Variants in ACSF3 observed in about 807,000 individuals in gnomAD.
ACSF3 encodes malonate--CoA ligase ACSF3, mitochondrial.
Under a neutral mutation model 53.2 loss-of-function variants are expected in ACSF3, and 78 were observed. That is an observed-to-expected ratio of 1.47 (90% CI 1.22 to 1.77). ACSF3 has a LOEUF of 1.77. Ranked by LOEUF, ACSF3 falls within the 40% of genes most tolerant of loss-of-function variation. The probability of loss-of-function intolerance (pLI) is 0.00; values close to 1 mark genes in which losing one functional copy is unlikely to be tolerated. For synonymous variants in ACSF3, 414 were observed against 333.1 expected (o/e 1.24, Z -2.65); for missense variants, 937 against 771.1 (o/e 1.22, Z -2.55).
intron 6 of ACSF3, among the ~76,000 whole-genome samples, chr16:89,115,993 C>T (rs980113962): frequency 1.3e-5 from 2 of 152,278 alleles, no homozygotes; most frequent in South Asian, 2.1e-4. Flanking sequence ...GGTTTTGGCC[C>T]GGTTTATCAA....
intron 5 of ACSF3, chr16:89,114,133 A>C (rs1232077996): frequency 3.0e-6 from 2 of 664,072 alleles, no homozygotes; most frequent in African/African-American, 3.6e-5. Flanking sequence ...GTTTTCAAAA[A>C]ACAAAGTCAC....
intron 4 of ACSF3, among the ~76,000 whole-genome samples, chr16:89,106,809 G>A (rs1462843306): frequency 1.3e-5 from 2 of 152,210 alleles, no homozygotes; most frequent in South Asian, 2.1e-4. Flanking sequence ...GGTGCTGAAC[G>A]ATCTCAGACG....
chr16:89,139,644 G>T (rs1911357506), intron 8 of ACSF3, among the ~76,000 whole-genome samples: 1 of 145,238 alleles, frequency 6.9e-6, no homozygotes, highest in Admixed American at 6.9e-5. Context: ...CCAGACTGGA[G>T]TGCAGTGGCG....
At chr16:89,136,011 G>T (rs1910384611) in intron 8 of ACSF3, among the ~76,000 whole-genome samples, 1 of 152,252 alleles carries the variant, frequency 6.6e-6, no homozygotes, top group Non-Finnish European at 1.5e-5. Context: ...CTGGCCTCAG[G>T]TGATCCGCCC....
Position 89,132,383 on chromosome 16 carries a change from G to A in ACSF3, c.1240-753G>A, listed in dbSNP as rs527903271. Among the ~76,000 whole-genome samples, 6 of 152,304 alleles carry A rather than the reference G, an allele frequency of 3.9e-5. No individual in the cohort carries two copies. The South Asian group carries it at 6.2e-4, about 16-fold the overall frequency. ...TGACCTATGAGCCGAGGGCTCGGCC[G>A]GTGTCTTCACAGACCCACCGTGTCC... On this transcript the variant is annotated intron_variant, in intron 7 of 10. Coordinates refer to ENST00000614302, the MANE Select transcript of ACSF3 (RefSeq NM_001243279.3).
intron 7 of ACSF3, among the ~76,000 whole-genome samples, chr16:89,125,942 T>C (rs28663390): frequency 1.3e-3 from 78 of 62,308 alleles, no homozygotes; most frequent in African/African-American, 4.5e-3. Context: ...CGTAGATCCG[T>C]GAACACGGTA....
At chr16:89,125,684 G>A (rs1907866482) in intron 7 of ACSF3, among the ~76,000 whole-genome samples, 1 of 124,370 alleles carries the variant, frequency 8.0e-6, no homozygotes, top group Non-Finnish European at 1.7e-5. Flanking sequence ...GAGTGAGACT[G>A]CCTCAAAAAA....
intron 8 of ACSF3, among the ~76,000 whole-genome samples, chr16:89,135,732 A>G (rs1452494607): frequency 6.6e-6 from 1 of 152,216 alleles, no homozygotes; most frequent in African/African-American, 2.4e-5. Flanking sequence ...TGCCCTCTGA[A>G]TGCCCCGACC....
intron 4 of ACSF3, among the ~76,000 whole-genome samples, chr16:89,106,542 T>G (rs1217105252): frequency 6.6e-6 from 1 of 152,212 alleles, no homozygotes; most frequent in Non-Finnish European, 1.5e-5. Flanking sequence ...TCCACCTGCC[T>G]CAGCCTCCCA....
chr16:89,136,497 A>G lies in ACSF3; in HGVS notation c.1366+3235A>G, dbSNP rs75498506. ...CAGCTGCCGCTCCTGCCGGGAGAGC[A>G]TGATATTAAATAGAAATCAGGAGAA... is the stretch of plus-strand genomic sequence containing the variant. On this transcript the variant is annotated intron_variant, in intron 8 of 10. Transcript: ENST00000614302. 1,444 of 1,225,084 alleles carry G rather than the reference A, an allele frequency of 1.2e-3. 13 individuals carry two copies. In the African/African-American group the frequency reaches 0.021, roughly 17 times the overall value. The allele number at this position is 1,225,084 out of a possible 1,614,324, so 75.9% of individuals were successfully genotyped here.
At position 89,131,127 on chromosome 16, in the gene ACSF3, CTTTT is replaced by C. The variant is rs558773398; in HGVS notation, c.1240-1988_1240-1985del. On this transcript the variant is annotated intron_variant, in intron 7 of 10. Transcript: ENST00000614302. ...TTTCTTTCTTTTTCTTTTTCTTTTT[CTTTT>C]TTTTTTTTTTTTTTTTTTTTGAGAC... Among the ~76,000 whole-genome samples, 517 of 69,426 alleles carry C rather than the reference CTTTT, an allele frequency of 7.4e-3. 2 individuals are homozygous for C. Among genetic ancestry groups the C allele is most frequent in the African/African-American group, 0.027 (469 of 17,330 alleles). 45.5% of individuals were successfully genotyped at this position (69,426 alleles called of 152,430 possible).
chr16:89,118,553 G>A (rs1053842825), intron 6 of ACSF3, among the ~76,000 whole-genome samples: 1 of 80,898 alleles, frequency 1.2e-5, no homozygotes, highest in East Asian at 2.8e-4. Flanking sequence ...TGCACTGTCC[G>A]TGCTCGGAAG....
intron 2 of ACSF3, 91 bp downstream of exon 2, chr16:89,098,854 T>C (rs569349231): frequency 2.2e-6 from 1 of 447,406 alleles, no homozygotes; most frequent in South Asian, 1.6e-5. Flanking sequence ...TGAGGCAAAA[T>C]GCTGAGATGA....
At position 89,146,270 on chromosome 16, in the gene ACSF3, C is replaced by T. The variant is rs189273854; in HGVS notation, c.1613+221C>T. ...CAGATTTGACTTGGTGGCAATATTCCGAGGGGGCAGAAACTCACATTCCTG... is the reference window on the plus strand; with the variant it reads ...CAGATTTGACTTGGTGGCAATATTCTGAGGGGGCAGAAACTCACATTCCTG... On this transcript the variant is annotated intron_variant, in intron 10 of 10. Transcript: ENST00000614302. Among the ~76,000 whole-genome samples the T allele has an allele frequency of 9.2e-5, 14 of 152,236 alleles. No individual in the cohort carries two copies. The South Asian group carries it at 1.7e-3, about 18-fold the overall frequency.
chr16:89,146,946 G>A lies in ACSF3; in HGVS notation c.1613+897G>A, dbSNP rs73256074. Among the ~76,000 whole-genome samples the A allele has an allele frequency of 8.0e-3, 1,222 of 152,256 alleles. 20 individuals are homozygous for A. The highest frequency in any genetic ancestry group is 0.028 in the African/African-American group (1,169 of 41,544). ...GCAGAGCCAGGCTGAGCTCAGAAAGGAAGCTTTTAGTTTCACCTACAGTAA... is the reference window on the plus strand; with the variant it reads ...GCAGAGCCAGGCTGAGCTCAGAAAGAAAGCTTTTAGTTTCACCTACAGTAA... On this transcript the variant is annotated intron_variant, in intron 10 of 10. Coordinates refer to ENST00000614302, the MANE Select transcript of ACSF3 (RefSeq NM_001243279.3).
At position 89,154,742 on chromosome 16, in the gene ACSF3, C is replaced by A. The variant is rs1316525913; in HGVS notation, c.*535C>A. ...CAGAACCAGCCCTGTCCCATGGGTT[C>A]CGTGCATTTCCTGGTGCTGCTCTTG... On this transcript the variant is annotated 3_prime_UTR_variant, in exon 11 of 11. Coordinates refer to ENST00000614302, the MANE Select transcript of ACSF3 (RefSeq NM_001243279.3). 2.2e-6 allele frequency: 1 copy of A among 454,154 alleles called. No homozygotes were observed. The highest frequency in any genetic ancestry group is 6.9e-5 in the East Asian group (1 of 14,394). The allele number at this position is 454,154 out of a possible 1,614,324, so 28.1% of individuals were successfully genotyped here.
At chr16:89,106,217 G>A (rs906269512) in intron 4 of ACSF3, among the ~76,000 whole-genome samples, 10 of 152,272 alleles carry the variant, frequency 6.6e-5, no homozygotes, top group Admixed American at 3.3e-4. Context: ...GACCTTCAAC[G>A]GACACGGGAA....
intron 8 of ACSF3, among the ~76,000 whole-genome samples, chr16:89,133,557 C>T (rs868455915): frequency 2.0e-5 from 3 of 152,196 alleles, no homozygotes; most frequent in Non-Finnish European, 4.4e-5. Context: ...CCGGCACGCA[C>T]GCACCCTGAC....
At chr16:89,099,347 C>T (rs1053784777) in intron 2 of ACSF3, among the ~76,000 whole-genome samples, 1 of 152,240 alleles carries the variant, frequency 6.6e-6, no homozygotes. Flanking sequence ...CAGTGGACGG[C>T]GGGCCCGCGC....
Sources: allele counts gnomAD v4.1 joint callset (sites outside exome capture counted in the v4.1 genomes callset), GRCh38; gene constraint gnomAD v4.1.1; transcripts MANE v1.5; gene names NCBI Gene and HGNC (gene_info 2026-07-23, HGNC 2026-07-21).